Variants in SORCS2 observed in about 807,000 individuals in gnomAD.
SORCS2 encodes VPS10 domain-containing receptor SorCS2.
A neutral mutation model predicts 141.6 loss-of-function variants in SORCS2; 100 were observed. The observed-to-expected ratio is 0.71, with a 90% CI of 0.60 to 0.83. The LOEUF is 0.83. Ranked by LOEUF, SORCS2 falls within the 40% of genes least tolerant of loss-of-function variation. The probability of loss-of-function intolerance (pLI) is 0.00; values close to 1 mark genes in which losing one functional copy is unlikely to be tolerated. For missense variants in SORCS2, 1,646 were observed against 1,560.2 expected (o/e 1.05, Z -0.93); for synonymous variants, 789 against 676.9 (o/e 1.17, Z -2.57).
intron 10 of SORCS2, among the ~76,000 whole-genome samples, chr4:7,689,250 CT>C (rs1427029640): frequency 1.3e-5 from 2 of 152,154 alleles, no homozygotes; most frequent in Non-Finnish European, 2.9e-5. Flanking sequence ...CTTGTGCCCA[CT>C]TCCCCCTCCC....
At chr4:7,373,645 C>G (rs1377321954) in intron 1 of SORCS2, among the ~76,000 whole-genome samples, 1 of 150,800 alleles carries the variant, frequency 6.6e-6, no homozygotes, top group Non-Finnish European at 1.5e-5. Context: ...GGCCACACTA[C>G]CATGTCCAAT....
intron 3 of SORCS2, among the ~76,000 whole-genome samples, chr4:7,536,833 G>GTGTGT (rs199566651): frequency 4.3e-3 from 93 of 21,598 alleles, no homozygotes; most frequent in Admixed American, 0.012. Flanking sequence ...ACTCAGATGT[G>GTGTGT]GGGGGGGGGG....
chr4:7,218,919 G>A (rs1012912137), intron 1 of SORCS2, among the ~76,000 whole-genome samples: 6 of 152,066 alleles, frequency 3.9e-5, no homozygotes, highest in Admixed American at 6.5e-5. Context: ...TGCACTGCCC[G>A]CAGGCACTCT....
chr4:7,575,646 C>G (rs1284707885), intron 3 of SORCS2, among the ~76,000 whole-genome samples: 1 of 152,170 alleles, frequency 6.6e-6, no homozygotes, highest in East Asian at 1.9e-4. Context: ...AATGGTAGTA[C>G]CCCAGTCACA....
intron 1 of SORCS2, among the ~76,000 whole-genome samples, chr4:7,324,100 C>A (rs1430463631): frequency 1.3e-5 from 2 of 152,218 alleles, no homozygotes; most frequent in African/African-American, 4.8e-5. Flanking sequence ...CCAGATCCCA[C>A]AACCAGCAGG....
intron 3 of SORCS2, among the ~76,000 whole-genome samples, chr4:7,625,696 A>C (rs140215776): frequency 6.9e-6 from 1 of 145,194 alleles, no homozygotes; most frequent in African/African-American, 2.5e-5. Context: ...GGATGGAAGG[A>C]CGGATGGAGG....
chr4:7,530,789 C>T (rs929989611), intron 2 of SORCS2, among the ~76,000 whole-genome samples: 9 of 152,214 alleles, frequency 5.9e-5, no homozygotes, highest in East Asian at 1.9e-4. Context: ...GCAGCCAAGG[C>T]GCTTTAAAGC....
intron 2 of SORCS2, among the ~76,000 whole-genome samples, chr4:7,494,232 C>G (rs1731479972): frequency 1.3e-5 from 2 of 152,214 alleles, no homozygotes; most frequent in South Asian, 4.1e-4. Flanking sequence ...GCATGAGCTT[C>G]CCCATGAGTG....
intron 13 of SORCS2, 133 bp from the exon 14 acceptor site, chr4:7,704,044 A>G: frequency 1.4e-6 from 1 of 715,398 alleles, no homozygotes; most frequent in Non-Finnish European, 2.5e-6. Context: ...ACATAAGCAG[A>G]TGTGGTATCA....
rs79782288 is a variant in SORCS2 at position 7,282,569 on chromosome 4, A to G, written c.480+89443A>G. 2.4e-3 allele frequency among the ~76,000 whole-genome samples: 367 copies of G among 152,286 alleles called. 3 individuals are homozygous for G. The Middle Eastern group carries it at 0.061, about 25-fold the overall frequency. ...CAAAGCAGCCTAGATCTGAGAATCT[A>G]TTCTTAGCTCCCCCACTAATCATGG... On this transcript the variant is annotated intron_variant, in intron 1 of 26. Coordinates refer to ENST00000507866, the MANE Select transcript of SORCS2 (RefSeq NM_020777.3).
chr4:7,203,832 C>A (rs1486661309), intron 1 of SORCS2, among the ~76,000 whole-genome samples: 2 of 152,148 alleles, frequency 1.3e-5, no homozygotes, highest in Non-Finnish European at 2.9e-5. Flanking sequence ...TCACCCTCCT[C>A]CACCCCCGCC....
chr4:7,499,760 A>G (rs1731847099), intron 2 of SORCS2, among the ~76,000 whole-genome samples: 1 of 67,146 alleles, frequency 1.5e-5, no homozygotes, highest in Non-Finnish European at 2.8e-5. Context: ...ATCTGGAGAG[A>G]AACCCCACAA....
intron 1 of SORCS2, among the ~76,000 whole-genome samples, chr4:7,204,567 C>G (rs1392139894): frequency 1.3e-5 from 2 of 152,188 alleles, no homozygotes. Flanking sequence ...TCAGAAGTCA[C>G]TCTTGTGGCT....
intron 1 of SORCS2, among the ~76,000 whole-genome samples, chr4:7,331,817 C>T (rs1275074201): frequency 2.0e-5 from 3 of 152,170 alleles, no homozygotes; most frequent in Admixed American, 1.3e-4. Flanking sequence ...GCCCTGGACC[C>T]CTGCTGGGAG....
At chr4:7,288,329 C>G (rs1327457161) in intron 1 of SORCS2, among the ~76,000 whole-genome samples, 1 of 151,918 alleles carries the variant, frequency 6.6e-6, no homozygotes, top group Non-Finnish European at 1.5e-5. Context: ...CGGTGAACTT[C>G]TTTTGTTTTG....
intron 2 of SORCS2, among the ~76,000 whole-genome samples, chr4:7,497,277 T>C (rs12641162): frequency 0.89 from 134,873 of 152,144 alleles, 61,464 homozygotes; most frequent in South Asian, 0.99. Context: ...GGGCCTCCCC[T>C]GAGGAGGGCC....
At position 7,742,544 on chromosome 4, in the gene SORCS2, G is replaced by A. The variant is rs1171573820; in HGVS notation, c.*2280G>A. ...AATATTTCTATTAAGAACATGTTGG[G>A]CATGTGGACCCAAGCACCTGGGAAG... On this transcript the variant is annotated 3_prime_UTR_variant, in exon 27 of 27. Coordinates refer to ENST00000507866, the MANE Select transcript of SORCS2 (RefSeq NM_020777.3). 1 of 152,154 alleles carries A rather than the reference G, an allele frequency of 6.6e-6. No individual in the cohort carries two copies. The highest frequency in any genetic ancestry group is 2.4e-5 in the African/African-American group (1 of 41,420). 9.4% of individuals were successfully genotyped at this position (152,154 alleles called of 1,614,324 possible).
intron 23 of SORCS2, among the ~76,000 whole-genome samples, chr4:7,730,664 C>G (rs2148893324): frequency 6.6e-6 from 1 of 152,306 alleles, no homozygotes; most frequent in East Asian, 1.9e-4. Flanking sequence ...CAATTCCATT[C>G]ACATGAAATG....
At chr4:7,382,100 G>A (rs1202795915) in intron 1 of SORCS2, 3 of 528,164 alleles carry the variant, frequency 5.7e-6, no homozygotes, top group Non-Finnish European at 7.3e-6. Context: ...GAAGGACCTT[G>A]AAGGGTGGGT....
Sources: allele counts gnomAD v4.1 joint callset (sites outside exome capture counted in the v4.1 genomes callset), GRCh38; gene constraint gnomAD v4.1.1; transcripts MANE v1.5; gene names NCBI Gene and HGNC (gene_info 2026-07-23, HGNC 2026-07-21).